ATP5PB: variants seen among roughly 807,000 people sequenced by gnomAD.
ATP5PB encodes the protein ATP synthase peripheral stalk-membrane subunit b.
A neutral mutation model predicts 34.5 loss-of-function variants in ATP5PB; 21 were observed. The ratio of observed to expected loss-of-function variants is 0.61; its 90% CI spans 0.43 to 0.88. ATP5PB has a LOEUF of 0.88. ATP5PB is among the 40% of genes least tolerant of loss of function. The probability of loss-of-function intolerance (pLI) is 0.00; values close to 1 mark genes in which losing one functional copy is unlikely to be tolerated. For synonymous variants in ATP5PB, 108 were observed against 114.1 expected, an observed-to-expected ratio of 0.95 and a Z score of 0.34; for missense variants, 293 against 317.4, an observed-to-expected ratio of 0.92 and a Z score of 0.58.
Position 111,462,441 on chromosome 1 carries a change from A to G in ATP5PB, c.*1447A>G, listed in dbSNP as rs1183449779. 6.6e-6 allele frequency: 1 copy of G among 152,234 alleles called. No homozygotes were observed. Among genetic ancestry groups the G allele is most frequent in the Non-Finnish European group, 1.5e-5 (1 of 68,044 alleles). 9.4% of individuals were successfully genotyped at this position (152,234 alleles called of 1,614,324 possible). A position where few individuals can be genotyped will look rare whatever the true frequency, so the allele number is the denominator to read the frequency against. On this transcript the variant is annotated 3_prime_UTR_variant, in exon 7 of 7. Coordinates refer to ENST00000369722, the MANE Select transcript of ATP5PB (RefSeq NM_001688.5). The stretch of plus-strand genomic sequence containing the variant: ...TGGTAAATTTTATGTGTATTTTACA[A>G]TCTTTTTTTAAATTGAAGAAAAATC...
At chr1:111,450,673 T>A (rs1653298863) in intron 2 of ATP5PB, among the ~76,000 whole-genome samples, 1 of 152,180 alleles carries the variant, frequency 6.6e-6, no homozygotes, top group African/African-American at 2.4e-5. Context: ...TTCCTAGAGA[T>A]TTCTCTTTTT....
In ATP5PB at chr1:111,456,139, T is replaced by C. The variant is rs1188305458; in HGVS notation, c.277T>C (p.Tyr93His). 3 of 1,611,920 alleles carry C rather than the reference T, an allele frequency of 1.9e-6. No homozygotes were observed. Among genetic ancestry groups the C allele is most frequent in the African/African-American group, 1.3e-5 (1 of 74,828 alleles). ...CTTGTACGCTTTATCCAAAGAAATATATGTGATTAGCGCAGAGACCTTCAC... is the reference window on the plus strand; with the variant it reads ...CTTGTACGCTTTATCCAAAGAAATACATGTGATTAGCGCAGAGACCTTCAC... ...LILYALSKEIYVISAETFTAL... is the reference protein window; with the variant it reads ...LILYALSKEIHVISAETFTAL... Residue 93 changes from tyrosine (Y) to histidine (H), a missense_variant, in exon 4 of 7, where the codon TAT becomes CAT. By Grantham distance (83) the Tyr-to-His change is moderately conservative. Coordinates refer to ENST00000369722, the MANE Select transcript of ATP5PB (RefSeq NM_001688.5).
intron 2 of ATP5PB, among the ~76,000 whole-genome samples, chr1:111,451,781 G>A (rs960280604): frequency 6.6e-6 from 1 of 152,028 alleles, no homozygotes; most frequent in Non-Finnish European, 1.5e-5. Flanking sequence ...GAGCTGTTAA[G>A]TAATTCCAGG....
intron 6 of ATP5PB, 21 bp from the exon 7 acceptor site, chr1:111,460,896 A>T (rs1253312369): frequency 1.2e-6 from 2 of 1,611,996 alleles, no homozygotes; most frequent in Non-Finnish European, 1.7e-6. Context: ...GTCTAACCAG[A>T]TTTCTCTTTC....
chr1:111,460,864 T>C (rs1264569433), intron 6 of ATP5PB, 53 bp from the exon 7 acceptor site: 1 of 1,532,792 alleles, frequency 6.5e-7, no homozygotes, highest in African/African-American at 1.4e-5. Context: ...TTATACTCTA[T>C]ACTTTTCTAT....
rs545170350 is a variant in ATP5PB at position 111,454,465 on chromosome 1, G to GTTTTGTTTTGTTTTGTTTTGTT, written c.223+111_223+112insTTGTTTTGTTTTGTTTTGTTTT. 1.4e-3 allele frequency: 1,915 copies of GTTTTGTTTTGTTTTGTTTTGTT among 1,377,572 alleles called. 28 individuals carry two copies. In the African/African-American group the frequency reaches 0.033, roughly 24 times the overall value. 85.3% of individuals were successfully genotyped at this position (1,377,572 alleles called of 1,614,324 possible). ...TGTTGTTGTTGTTGTTGTTGTTGTT[G>GTTTTGTTTTGTTTTGTTTTGTT]TTGTTTTTTGAGACAGGGTATTACT... On this transcript the variant is annotated intron_variant, in intron 3 of 6. Transcript: ENST00000369722.
In ATP5PB at chr1:111,449,880, G is replaced by A. The variant is rs189476830; in HGVS notation, c.77+7G>A. The A allele has an allele frequency of 1.3e-4, 209 of 1,614,156 alleles. 1 individual carries two copies. In the East Asian group the frequency reaches 4.6e-3, roughly 36 times the overall value. On this transcript the variant is annotated splice_region_variant and intron_variant, in intron 2 of 6. Coordinates refer to ENST00000369722, the MANE Select transcript of ATP5PB (RefSeq NM_001688.5). ...CAGCCTTCCTAGGTCCAGGGTAAGT[G>A]TGAGGATAATGCTCCCTTTCGTCTT...
intron 5 of ATP5PB, 99 bp downstream of exon 5, chr1:111,456,854 A>G: frequency 7.4e-7 from 1 of 1,351,152 alleles, no homozygotes; most frequent in Non-Finnish European, 9.7e-7. Context: ...GATTGAACGT[A>G]TTTTATTTAG....
intron 2 of ATP5PB, among the ~76,000 whole-genome samples, 153 bp from the exon 3 acceptor site, chr1:111,454,058 C>A (rs7416540): frequency 0.034 from 5,244 of 152,308 alleles, 270 homozygotes; most frequent in African/African-American, 0.12. Flanking sequence ...TTACTGGACC[C>A]TAACCTTCCC....
rs757264247 is a variant in ATP5PB, at chr1:111,460,999, A to G, written c.*5A>G. The G allele has an allele frequency of 1.7e-5, 28 of 1,610,904 alleles. No individual in the cohort carries two copies. The highest frequency in any genetic ancestry group is 8.9e-5 in the East Asian group (4 of 44,854). ...CAAGCACAGCCAGTTATGTAAATGT[A>G]TCTATCCCAATTGAGACAGCTAGAA... On this transcript the variant is annotated 3_prime_UTR_variant, in exon 7 of 7. Transcript: ENST00000369722.
At position 111,456,818 on chromosome 1, in the gene ATP5PB, A is replaced by G. The variant is rs911673570; in HGVS notation, c.513+63A>G. On this transcript the variant is annotated intron_variant, in intron 5 of 6. Transcript: ENST00000369722. ...TGTTGTGTGCATTTTTTTAATTCAGAATTTTTTATGAAGAATGGTTAAATA... is the reference window on the plus strand; with the variant it reads ...TGTTGTGTGCATTTTTTTAATTCAGGATTTTTTATGAAGAATGGTTAAATA... 62 of 1,483,310 alleles carry G rather than the reference A, an allele frequency of 4.2e-5. No homozygotes were observed. The African/African-American group carries it at 8.8e-4, about 21-fold the overall frequency. 91.9% of individuals were successfully genotyped at this position (1,483,310 alleles called of 1,614,324 possible).
chr1:111,449,770 C>A (rs1653254645), intron 1 of ATP5PB, 67 bp from the exon 2 acceptor site: 1 of 1,607,222 alleles, frequency 6.2e-7, no homozygotes. Context: ...TAGAGCCTGG[C>A]GGGGGTAAGG....
At chr1:111,450,892 C>A (rs1232854388) in intron 2 of ATP5PB, among the ~76,000 whole-genome samples, 3 of 152,162 alleles carry the variant, frequency 2.0e-5, no homozygotes, top group African/African-American at 7.2e-5. Flanking sequence ...CTTATACTTA[C>A]AAGATACAAG....
chr1:111,453,298 T>G (rs1653383496), intron 2 of ATP5PB, among the ~76,000 whole-genome samples: 1 of 152,098 alleles, frequency 6.6e-6, no homozygotes, highest in Non-Finnish European at 1.5e-5. Flanking sequence ...AGTTCAATTG[T>G]TCAAGCTCAG....
intron 6 of ATP5PB, among the ~76,000 whole-genome samples, chr1:111,459,972 C>G (rs1198510836): frequency 6.6e-6 from 1 of 152,158 alleles, no homozygotes; most frequent in Non-Finnish European, 1.5e-5. Context: ...CAAGACCAAC[C>G]TGGGCAACAT....
In ATP5PB at chr1:111,449,499, G is replaced by A. The variant is rs372461676; in HGVS notation, c.-43G>A. The A allele has an allele frequency of 8.1e-5, 130 of 1,614,154 alleles. No individual in the cohort carries two copies. Among genetic ancestry groups the A allele is most frequent in the Middle Eastern group, 6.6e-4 (4 of 6,060 alleles). On this transcript the variant is annotated 5_prime_UTR_variant, in exon 1 of 7. Transcript: ENST00000369722. ...CTGCCCTGACAGATTCTCCTATCGGGGTCACAGGGACGCTAAGATTGCTAC... is the reference window on the plus strand; with the variant it reads ...CTGCCCTGACAGATTCTCCTATCGGAGTCACAGGGACGCTAAGATTGCTAC...
rs955658562 is a variant in ATP5PB, at chr1:111,462,528, T to A, written c.*1534T>A. The stretch of plus-strand genomic sequence containing the variant: ...TTATCTGCATTTGATTCTCCCATAC[T>A]TGTACAAGGATTTATTTGTATTCAA... On this transcript the variant is annotated 3_prime_UTR_variant, in exon 7 of 7. Coordinates refer to ENST00000369722, the MANE Select transcript of ATP5PB (RefSeq NM_001688.5). The A allele has an allele frequency of 6.6e-6, 1 of 152,236 alleles. No individual in the cohort carries two copies. The highest frequency in any genetic ancestry group is 1.5e-5 in the Non-Finnish European group (1 of 68,044). The allele number at this position is 152,236 out of a possible 1,614,324, so 9.4% of individuals were successfully genotyped here.
In ATP5PB at chr1:111,456,368, A is replaced by T. The variant is rs1027042949; in HGVS notation, c.387+119A>T. The T allele has an allele frequency of 2.5e-6, 3 of 1,191,042 alleles. No individual in the cohort carries two copies. In the African/African-American group the frequency reaches 4.7e-5, roughly 19 times the overall value. 73.8% of individuals were successfully genotyped at this position (1,191,042 alleles called of 1,614,324 possible). A position where few individuals can be genotyped will look rare whatever the true frequency, so the allele number is the denominator to read the frequency against. On this transcript the variant is annotated intron_variant, in intron 4 of 6. Transcript: ENST00000369722. ...TATAGAAATGAATCTAATGCTTCAAATAAGTGTTAACGTTAGTTACTAATT... is the reference window on the plus strand; with the variant it reads ...TATAGAAATGAATCTAATGCTTCAATTAAGTGTTAACGTTAGTTACTAATT...
At chr1:111,457,423 A>G (rs867587625) in intron 5 of ATP5PB, among the ~76,000 whole-genome samples, 10 of 152,060 alleles carry the variant, frequency 6.6e-5, no homozygotes, top group Non-Finnish European at 2.9e-5. Flanking sequence ...TTCCAAAACA[A>G]TCTTTAGGAA....
Sources: gnomAD v4.1 joint callset for allele counts (sites outside exome capture counted in the v4.1 genomes callset) on GRCh38, gnomAD v4.1.1 for gene constraint, MANE v1.5 for transcripts, NCBI Gene and HGNC (gene_info 2026-07-23, HGNC 2026-07-21) for gene names.